Variants in ZNF385D observed in about 807,000 individuals in gnomAD.
ZNF385D encodes the protein zinc finger protein 385D, also known as zinc finger protein 659.
In ZNF385D, 15 loss-of-function variants were observed where a neutral mutation model predicts 35.8. The observed-to-expected ratio is 0.42, with a 90% CI of 0.28 to 0.64. The LOEUF is 0.64. ZNF385D is among the 30% of genes least tolerant of loss of function. The pLI, the probability that ZNF385D is intolerant of heterozygous loss-of-function variation, is 0.23. For synonymous variants in ZNF385D, 212 were observed against 186.8 expected, an observed-to-expected ratio of 1.13 and a Z score of -1.10; for missense variants, 474 against 494.6, an observed-to-expected ratio of 0.96 and a Z score of 0.39.
chr3:21,737,137 A>G (rs1015117128), intron 1 of ZNF385D, among the ~76,000 whole-genome samples: 2 of 152,030 alleles, frequency 1.3e-5, no homozygotes, highest in African/African-American at 4.8e-5. Flanking sequence ...ACGGAGTTTC[A>G]CCATGTTGGC....
At chr3:21,861,507 T>C (rs1171640377) in intron 3 of ZNF385D, among the ~76,000 whole-genome samples, 1 of 152,128 alleles carries the variant, frequency 6.6e-6, no homozygotes, top group African/African-American at 2.4e-5. Flanking sequence ...ATGGAAAATG[T>C]CTACGGGGAG....
At chr3:21,975,899 A>C (rs1397237201) in intron 3 of ZNF385D, among the ~76,000 whole-genome samples, 1 of 152,124 alleles carries the variant, frequency 6.6e-6, no homozygotes, top group Non-Finnish European at 1.5e-5. Context: ...GACAAGATGC[A>C]AACGAGCCAA....
intron 2 of ZNF385D, among the ~76,000 whole-genome samples, chr3:22,190,539 A>G (rs1403468941): frequency 6.6e-6 from 1 of 152,180 alleles, no homozygotes; most frequent in Non-Finnish European, 1.5e-5. Flanking sequence ...ACAAGTTCAT[A>G]AAGTAATTGC....
chr3:21,514,862 G>A lies in ZNF385D; in HGVS notation c.277-3839C>T, dbSNP rs557298419. Among the ~76,000 whole-genome samples the A allele has an allele frequency of 1.5e-3, 230 of 152,014 alleles. 1 individual carries two copies. The highest frequency in any genetic ancestry group is 5.2e-3 in the African/African-American group (216 of 41,484). ...CTTTTAACACTTTAAATAATAAGTG[G>A]AATATTAGCACATTGTGTTATAAAA... On this transcript the variant is annotated intron_variant, in intron 3 of 7. Transcript: ENST00000281523.
At chr3:21,794,394 T>C (rs2072059537) in intron 3 of ZNF385D, among the ~76,000 whole-genome samples, 1 of 152,040 alleles carries the variant, frequency 6.6e-6, no homozygotes, top group Non-Finnish European at 1.5e-5. Flanking sequence ...AGAGTGTCAT[T>C]GAAACGACAG....
At chr3:21,954,846 A>G (rs1702215332) in intron 3 of ZNF385D, among the ~76,000 whole-genome samples, 1 of 152,036 alleles carries the variant, frequency 6.6e-6, no homozygotes, top group Admixed American at 6.6e-5. Context: ...TATCACAGCA[A>G]CCACTGAAAG....
At chr3:21,640,409 T>C (rs1366016987) in intron 2 of ZNF385D, among the ~76,000 whole-genome samples, 1 of 152,058 alleles carries the variant, frequency 6.6e-6, no homozygotes, top group East Asian at 1.9e-4. Context: ...TGCTTACTGT[T>C]ATGGACTGAA....
At chr3:21,696,035 A>C (rs1433738857) in intron 1 of ZNF385D, among the ~76,000 whole-genome samples, 2 of 152,184 alleles carry the variant, frequency 1.3e-5, no homozygotes, top group African/African-American at 4.8e-5. Flanking sequence ...AAGAGAAGTG[A>C]GGTCCAGATC....
intron 3 of ZNF385D, among the ~76,000 whole-genome samples, chr3:21,913,672 T>G (rs1370422215): frequency 1.3e-5 from 2 of 152,146 alleles, no homozygotes; most frequent in Non-Finnish European, 2.9e-5. Context: ...AAGGTTACTG[T>G]GTTTCTATCA....
chr3:21,831,692 G>T (rs1260166282), intron 3 of ZNF385D, among the ~76,000 whole-genome samples: 1 of 152,174 alleles, frequency 6.6e-6, no homozygotes, highest in Non-Finnish European at 1.5e-5. Context: ...GCACTGGGGA[G>T]TTAGATCGCT....
At chr3:21,677,131 A>T (rs952323541) in intron 1 of ZNF385D, among the ~76,000 whole-genome samples, 7 of 152,124 alleles carry the variant, frequency 4.6e-5, no homozygotes, top group Non-Finnish European at 8.8e-5. Context: ...CTAAACTAAC[A>T]TGAAAGGGAC....
At chr3:21,877,642 G>C (rs1414301131) in intron 3 of ZNF385D, among the ~76,000 whole-genome samples, 1 of 152,010 alleles carries the variant, frequency 6.6e-6, no homozygotes, top group Non-Finnish European at 1.5e-5. Context: ...ACTATTTTTA[G>C]TACTTAGTTA....
chr3:22,172,738 T>C (rs899946219), intron 2 of ZNF385D, among the ~76,000 whole-genome samples: 3 of 152,174 alleles, frequency 2.0e-5, no homozygotes, highest in South Asian at 2.1e-4. Flanking sequence ...ATTGGATTAA[T>C]ACCTAAAGTA....
chr3:22,026,708 G>A lies in ZNF385D; in HGVS notation c.325+142109C>T, dbSNP rs895012487. Among the ~76,000 whole-genome samples, 8 of 152,252 alleles carry A rather than the reference G, an allele frequency of 5.3e-5. No homozygotes were observed. The East Asian group carries it at 1.5e-3, about 29-fold the overall frequency. On this transcript the variant is annotated intron_variant, in intron 3 of 5. Coordinates refer to the ZNF385D transcript ENST00000494108. ...AGTGAGGGTTATTATGGTGGGAAAG[G>A]CCAAATGGAAGCCATTAGAGCTGCC...
chr3:22,234,443 A>G (rs1699063634), intron 2 of ZNF385D, among the ~76,000 whole-genome samples: 1 of 152,036 alleles, frequency 6.6e-6, no homozygotes. Context: ...CATTCATTTC[A>G]TCCAGTCTAG....
chr3:22,269,374 G>C (rs1317215993), intron 2 of ZNF385D, among the ~76,000 whole-genome samples: 1 of 151,966 alleles, frequency 6.6e-6, no homozygotes, highest in Non-Finnish European at 1.5e-5. Flanking sequence ...AAAGGCAGGA[G>C]GCACCAGTAG....
In ZNF385D at chr3:21,711,039, G is replaced by GTTTTTTTTTTTTTTTTTTTT. The variant is rs869252663; in HGVS notation, c.22+39836_22+39855dup. Among the ~76,000 whole-genome samples, 71 of 83,136 alleles carry GTTTTTTTTTTTTTTTTTTTT rather than the reference G, an allele frequency of 8.5e-4. 14 individuals are homozygous for GTTTTTTTTTTTTTTTTTTTT. Among genetic ancestry groups the GTTTTTTTTTTTTTTTTTTTT allele is most frequent in the African/African-American group, 2.7e-3 (53 of 19,486 alleles). 54.5% of individuals were successfully genotyped at this position (83,136 alleles called of 152,430 possible). The stretch of plus-strand genomic sequence containing the variant: ...TCTTAATTTCCTTATCCCTCTAAAA[G>GTTTTTTTTTTTTTTTTTTTT]TTTTTTTTTTTTTTTTTTTTGAGAT... On this transcript the variant is annotated intron_variant, in intron 1 of 7. Coordinates refer to ENST00000281523, the MANE Select transcript of ZNF385D (RefSeq NM_024697.3).
Position 21,510,283 on chromosome 3 carries a change from G to A in ZNF385D, c.439+578C>T, listed in dbSNP as rs570278452. Among the ~76,000 whole-genome samples the A allele has an allele frequency of 9.5e-4, 145 of 152,226 alleles. 1 individual carries two copies. Among genetic ancestry groups the A allele is most frequent in the South Asian group, 2.1e-3 (10 of 4,816 alleles). The stretch of plus-strand genomic sequence containing the variant: ...GCCATTCAGAGGCCATTATTTCACC[G>A]TGAAGCCTCTGTTAAAAAGAGTAAT... On this transcript the variant is annotated intron_variant, in intron 4 of 7. Transcript: ENST00000281523.
At chr3:22,295,964 G>C (rs1407783955) in intron 2 of ZNF385D, among the ~76,000 whole-genome samples, 2 of 152,082 alleles carry the variant, frequency 1.3e-5, no homozygotes, top group Admixed American at 6.6e-5. Context: ...TTATGGCAAA[G>C]GAGAAGAAAA....
Sources: gnomAD v4.1 joint callset for allele counts (sites outside exome capture counted in the v4.1 genomes callset) on GRCh38, gnomAD v4.1.1 for gene constraint, MANE v1.5 for transcripts, NCBI Gene and HGNC (gene_info 2026-07-23, HGNC 2026-07-21) for gene names.